Variants in ETV6 observed in about 807,000 individuals in gnomAD.
ETV6 encodes the protein ETS variant transcription factor 6.
ETV6 carries 16 observed loss-of-function variants against 51.1 expected under a neutral mutation model. That is an observed-to-expected ratio of 0.31 (90% CI 0.21 to 0.48). The LOEUF (loss-of-function observed/expected upper bound fraction) is 0.48, where lower values mean the gene tolerates loss of function less well. ETV6 is among the 20% of genes least tolerant of loss of function. The probability of loss-of-function intolerance (pLI) is 0.99; values close to 1 mark genes in which losing one functional copy is unlikely to be tolerated. For missense variants in ETV6, 458 were observed against 594.8 expected (o/e 0.77, Z 2.39); for synonymous variants, 240 against 224.1 (o/e 1.07, Z -0.64).
At chr12:11,850,562 GTGGTGGTGGTA>G in intron 3 of ETV6, among the ~76,000 whole-genome samples, 2 of 124,046 alleles carry the variant, frequency 1.6e-5, no homozygotes, top group South Asian at 4.6e-4. Context: ...GGTGGTGGTA[GTGGTGGTGGTA>G]GTAAAATCAA....
chr12:11,713,110 G>C (rs979382178), intron 1 of ETV6, among the ~76,000 whole-genome samples: 5 of 152,168 alleles, frequency 3.3e-5, no homozygotes, highest in African/African-American at 1.2e-4. Flanking sequence ...AACAGATCCT[G>C]ATGCCAGTCA....
chr12:11,663,781 G>T (rs887535605), intron 1 of ETV6, among the ~76,000 whole-genome samples: 1 of 152,132 alleles, frequency 6.6e-6, no homozygotes, highest in East Asian at 1.9e-4. Context: ...GTATGTGTGT[G>T]TGTGTGTGTC....
rs1947220700 is a variant in ETV6, at chr12:11,887,760, AAAAAAG to A, written c.1253+1739_1253+1744del. Among the ~76,000 whole-genome samples, 5 of 151,810 alleles carry A rather than the reference AAAAAAG, an allele frequency of 3.3e-5. No homozygotes were observed. The South Asian group carries it at 8.3e-4, about 25-fold the overall frequency. The stretch of plus-strand genomic sequence containing the variant: ...AGACTCCATCTCAAGAAAAAAAAAA[AAAAAAG>A]AAAAGAAATTCCACCCAGAATTATT... On this transcript the variant is annotated intron_variant, in intron 7 of 7. Coordinates refer to ENST00000396373, the MANE Select transcript of ETV6 (RefSeq NM_001987.5).
chr12:11,792,970 C>T (rs772816573), intron 2 of ETV6, among the ~76,000 whole-genome samples: 4 of 150,820 alleles, frequency 2.7e-5, no homozygotes, highest in African/African-American at 4.9e-5. Context: ...TAGGGGGCTA[C>T]GGGAGGGGTG....
chr12:11,650,514 A>AAAC (rs1863884480), intron 1 of ETV6, among the ~76,000 whole-genome samples: 1 of 150,232 alleles, frequency 6.7e-6, no homozygotes. Context: ...AAAAAAAAAA[A>AAAC]ACCTGCTCCC....
intron 4 of ETV6, among the ~76,000 whole-genome samples, chr12:11,868,032 G>C (rs543741469): frequency 3.9e-5 from 6 of 152,306 alleles, no homozygotes; most frequent in African/African-American, 1.2e-4. Context: ...TCACCAGCTT[G>C]CAACTTTGAG....
chr12:11,730,826 CT>C (rs1379361330), intron 1 of ETV6, among the ~76,000 whole-genome samples: 1 of 152,194 alleles, frequency 6.6e-6, no homozygotes, highest in Non-Finnish European at 1.5e-5. Context: ...GCTGTTTGCT[CT>C]TCCCTAGAAT....
At chr12:11,735,846 C>T (rs1316014133) in intron 1 of ETV6, among the ~76,000 whole-genome samples, 2 of 152,334 alleles carry the variant, frequency 1.3e-5, no homozygotes, top group South Asian at 4.1e-4. Flanking sequence ...GTGATCCACC[C>T]GCCTTGGCCT....
intron 1 of ETV6, among the ~76,000 whole-genome samples, chr12:11,662,303 G>C (rs1864114896): frequency 6.6e-6 from 1 of 152,222 alleles, no homozygotes. Flanking sequence ...AGGTGAGCCA[G>C]CAGGTCCCAC....
intron 4 of ETV6, among the ~76,000 whole-genome samples, chr12:11,858,997 T>G (rs893687911): frequency 6.6e-6 from 1 of 152,040 alleles, no homozygotes; most frequent in Non-Finnish European, 1.5e-5. Flanking sequence ...ATTGCTTTAT[T>G]GAGGGGAATC....
intron 4 of ETV6, among the ~76,000 whole-genome samples, chr12:11,863,844 C>T (rs1283116858): frequency 6.6e-6 from 1 of 152,222 alleles, no homozygotes; most frequent in East Asian, 1.9e-4. Context: ...TACATGGGCA[C>T]TGCTTTGCAG....
At chr12:11,700,085 C>T (rs1202278678) in intron 1 of ETV6, among the ~76,000 whole-genome samples, 1 of 152,210 alleles carries the variant, frequency 6.6e-6, no homozygotes, top group African/African-American at 2.4e-5. Flanking sequence ...GATCCCCTTT[C>T]AGTGCCTTGC....
chr12:11,726,489 A>G (rs1865491878), intron 1 of ETV6, among the ~76,000 whole-genome samples: 1 of 152,228 alleles, frequency 6.6e-6, no homozygotes, highest in East Asian at 1.9e-4. Context: ...ATAATTTAAA[A>G]GTACAGGGCT....
chr12:11,895,206 C>G lies in ETV6; in HGVS notation c.*4160C>G, dbSNP rs1202997718. ...ACGACTCTAGAATTTCCTTCCCCGC[C>G]CCCCTTTTTGTTTAGTTTCTAATCT... On this transcript the variant is annotated 3_prime_UTR_variant, in exon 8 of 8. Transcript: ENST00000396373. 4.3e-6 allele frequency: 1 copy of G among 232,574 alleles called. No individual in the cohort carries two copies. Among genetic ancestry groups the G allele is most frequent in the Non-Finnish European group, 8.5e-6 (1 of 117,554 alleles). 14.4% of individuals were successfully genotyped at this position (232,574 alleles called of 1,614,324 possible).
chr12:11,715,330 A>C (rs939146074), intron 1 of ETV6, among the ~76,000 whole-genome samples: 1 of 152,178 alleles, frequency 6.6e-6, no homozygotes, highest in African/African-American at 2.4e-5. Flanking sequence ...GAAGAGAAGG[A>C]GGCCAAGGTA....
At chr12:11,850,821 T>C (rs1946542768) in intron 3 of ETV6, among the ~76,000 whole-genome samples, 1 of 152,296 alleles carries the variant, frequency 6.6e-6, no homozygotes, top group South Asian at 2.1e-4. Context: ...TTCTCTCTCA[T>C]GAAAACACAG....
intron 3 of ETV6, among the ~76,000 whole-genome samples, chr12:11,848,626 G>A (rs554542316): frequency 1.2e-4 from 18 of 152,330 alleles, no homozygotes; most frequent in South Asian, 2.1e-4. Context: ...GTGTGCGCAC[G>A]CGCGTGTGCA....
chr12:11,731,623 C>T (rs1368998794), intron 1 of ETV6, among the ~76,000 whole-genome samples: 1 of 152,014 alleles, frequency 6.6e-6, no homozygotes, highest in Admixed American at 6.6e-5. Context: ...GAAGTGTTTA[C>T]AGGTTTAGTC....
At chr12:11,815,807 G>A (rs991405567) in intron 2 of ETV6, among the ~76,000 whole-genome samples, 2 of 40,116 alleles carry the variant, frequency 5.0e-5, no homozygotes, top group African/African-American at 1.7e-4. Context: ...ACGGGCAGAG[G>A]GACAGTATGC....
Sources: gnomAD v4.1 joint callset for allele counts (sites outside exome capture counted in the v4.1 genomes callset) on GRCh38, gnomAD v4.1.1 for gene constraint, MANE v1.5 for transcripts, NCBI Gene and HGNC (gene_info 2026-07-23, HGNC 2026-07-21) for gene names.